Variants in TERT observed in about 807,000 individuals in gnomAD.
TERT encodes the protein telomerase reverse transcriptase, also known as telomerase catalytic subunit.
Under a neutral mutation model 104.0 loss-of-function variants are expected in TERT, and 42 were observed. That is an observed-to-expected ratio of 0.40 (90% CI 0.32 to 0.52). The LOEUF is 0.52. TERT is among the 20% of genes least tolerant of loss of function. The pLI, the probability that TERT is intolerant of heterozygous loss-of-function variation, is 0.43. For missense variants in TERT, 1,101 were observed against 1,610.3 expected (o/e 0.68, Z 5.41); for synonymous variants, 781 against 725.6 (o/e 1.08, Z -1.23).
At chr5:1,280,064 G>T (rs1749911366) in intron 4 of TERT, 94 bp downstream of exon 4, 6 of 1,510,972 alleles carry the variant, frequency 4.0e-6, no homozygotes, top group South Asian at 1.1e-5. Flanking sequence ...GTGTCCCGTG[G>T]CCCCTCCTCC....
At position 1,282,491 on chromosome 5, in the gene TERT, T is replaced by C. The variant is rs2126649532; in HGVS notation, c.1707A>G (p.Gln569=). ...TCCGGTAGAAAAAGAGCCTGTTCTT[T>C]TGAAACGTGGTCTCCGTGACATAAA... is the stretch of plus-strand genomic sequence containing the variant. ...SFFYVTETTF[Q]KNRLFFYRKS... Residue 569 remains glutamine (Q), a synonymous_variant, in exon 3 of 16, where the codon CAA becomes CAG. Transcript: ENST00000310581. 1.2e-6 allele frequency: 2 copies of C among 1,614,192 alleles called. No homozygotes were observed. Among genetic ancestry groups the C allele is most frequent in the East Asian group, 2.2e-5 (1 of 44,886 alleles).
intron 2 of TERT, chr5:1,282,932 G>A: frequency 4.5e-6 from 2 of 449,360 alleles, no homozygotes; most frequent in South Asian, 2.0e-5. Context: ...ACTCACCCCG[G>A]ACCTGCACCA....
intron 2 of TERT, 147 bp downstream of exon 2, chr5:1,293,166 G>A (rs1751098562): frequency 3.5e-6 from 3 of 848,312 alleles, no homozygotes; most frequent in East Asian, 2.6e-5. Context: ...AGAGATCACC[G>A]TGTCCACTCG....
rs965672968 is a variant in TERT, at chr5:1,263,031, G to C, written c.2843+1373C>G. On this transcript the variant is annotated intron_variant, in intron 11 of 15. Transcript: ENST00000310581. The surrounding 1 kb of genome is among the most constrained non-coding windows in gnomAD (Gnocchi z 5.3). ...CAGGAGACCGGCATCCTTGTGGGGA[G>C]GGAGCTGCAACAGGGACATGCTGGG... Among the ~76,000 whole-genome samples the C allele has an allele frequency of 6.6e-6, 1 of 152,194 alleles. No individual in the cohort carries two copies. The highest frequency in any genetic ancestry group is 1.5e-5 in the Non-Finnish European group (1 of 68,044).
chr5:1,282,930 C>T (rs1398303383), intron 2 of TERT: 26 of 460,294 alleles, frequency 5.6e-5, no homozygotes, highest in Admixed American at 2.7e-4. Flanking sequence ...GAACTCACCC[C>T]GGACCTGCAC....
intron 12 of TERT, among the ~76,000 whole-genome samples, chr5:1,259,521 A>G (rs1319180638): frequency 9.0e-6 from 1 of 111,310 alleles, no homozygotes; most frequent in Non-Finnish European, 1.8e-5. Flanking sequence ...ACGGACGCCC[A>G]CAGGAGAGAG....
rs994804257 is a variant in TERT, at chr5:1,293,742, G to C, written c.1144C>G (p.Leu382Val). The change falls in exon 2 of 16, where the codon CTG (leucine) becomes GTG (valine). Residue 382 changes from leucine (L) to valine (V), a missense_variant. Leu to Val is a conservative substitution (Grantham distance 32, BLOSUM62 1). Transcript: ENST00000310581. Reference sequence around the variant, plus strand: ...CGCATTTGCCAGTAGCGCTGGGGCAGGCGGGGCAACCTGCGGGGAGTCCCT... The same window carrying C: ...CGCATTTGCCAGTAGCGCTGGGGCACGCGGGGCAACCTGCGGGGAGTCCCT... ...MPGTPRRLPR[L>V]PQRYWQMRPL... is the part of the protein sequence containing the mutation. The C allele has an allele frequency of 3.8e-6, 6 of 1,565,522 alleles. No individual in the cohort carries two copies. Among genetic ancestry groups the C allele is most frequent in the Non-Finnish European group, 5.2e-6 (6 of 1,155,444 alleles).
intron 12 of TERT, among the ~76,000 whole-genome samples, chr5:1,258,921 T>C (rs891481715): frequency 6.6e-6 from 1 of 151,006 alleles, no homozygotes; most frequent in Admixed American, 6.6e-5. Flanking sequence ...TGGACGCAAA[T>C]GCCCACAGAG....
chr5:1,278,534 G>C, intron 6 of TERT, 107 bp downstream of exon 6: 5 of 1,488,260 alleles, frequency 3.4e-6, no homozygotes, highest in Non-Finnish European at 4.7e-6. Context: ...TGTAAATCAT[G>C]GAAGTACCTC....
intron 7 of TERT, 122 bp downstream of exon 7, chr5:1,272,063 C>G: frequency 2.3e-6 from 2 of 870,980 alleles, no homozygotes; most frequent in South Asian, 1.4e-5. Context: ...GCCCCCATCA[C>G]AGCTCATTCC....
At chr5:1,276,871 C>A (rs1749634649) in intron 6 of TERT, among the ~76,000 whole-genome samples, 1 of 152,266 alleles carries the variant, frequency 6.6e-6, no homozygotes, top group Non-Finnish European at 1.5e-5. Context: ...TGTTAGTGGA[C>A]TGCGATAGAA....
At chr5:1,285,968 G>A (rs182916577) in intron 2 of TERT, among the ~76,000 whole-genome samples, 2 of 152,108 alleles carry the variant, frequency 1.3e-5, no homozygotes, top group Admixed American at 6.5e-5. Context: ...CAGAAGGGAG[G>A]AAGCAGACAC....
In TERT at chr5:1,280,027, G is replaced by A. The variant is rs1014545851; in HGVS notation, c.1950+131C>T. 274 of 1,226,264 alleles carry A rather than the reference G, an allele frequency of 2.2e-4. 2 individuals carry two copies. The highest frequency in any genetic ancestry group is 1.9e-3 in the Middle Eastern group (8 of 4,194). 76.0% of individuals were successfully genotyped at this position (1,226,264 alleles called of 1,614,324 possible). A position where few individuals can be genotyped will look rare whatever the true frequency, so the allele number is the denominator to read the frequency against. Reference sequence around the variant, plus strand: ...GGCCACCTCACTGTGCGCACAAATGGGTTGGCGCCGTGCCATGGCCCTGGC... The same window carrying A: ...GGCCACCTCACTGTGCGCACAAATGAGTTGGCGCCGTGCCATGGCCCTGGC... On this transcript the variant is annotated intron_variant, in intron 4 of 15. Transcript: ENST00000310581.
intron 2 of TERT, among the ~76,000 whole-genome samples, chr5:1,284,872 C>T (rs188405638): frequency 3.1e-5 from 4 of 130,502 alleles, no homozygotes; most frequent in Non-Finnish European, 6.5e-5. Context: ...GGTCTGGCAC[C>T]GTCTGGCGAC....
In TERT at chr5:1,260,456, G is replaced by A; in HGVS notation, c.2970+18C>T. On this transcript the variant is annotated intron_variant, in intron 12 of 15. Coordinates refer to ENST00000310581, the MANE Select transcript of TERT (RefSeq NM_198253.3). ...CCTCCTGAACTCTGAACTCTGTGCT[G>A]ACCATCAGCCTGCTCACCTGCAAAT... The A allele has an allele frequency of 6.2e-7, 1 of 1,613,614 alleles. No homozygotes were observed. Among genetic ancestry groups the A allele is most frequent in the Non-Finnish European group, 8.5e-7 (1 of 1,179,894 alleles).
chr5:1,255,243 G>A lies in TERT; in HGVS notation c.3157+44C>T, dbSNP rs751641934. ...TCAGTCTCCTGACACACTAACACCA[G>A]CAGGCAGGCACTGCTGCCACTGAGG... is the stretch of plus-strand genomic sequence containing the variant. On this transcript the variant is annotated intron_variant, in intron 14 of 15. Transcript: ENST00000310581. This position sits in a 1 kb window ranked among gnomAD's most constrained non-coding sequence, Gnocchi z 6.9. 3.1e-6 allele frequency: 5 copies of A among 1,607,816 alleles called. No individual in the cohort carries two copies. The South Asian group carries it at 5.5e-5, about 18-fold the overall frequency.
In TERT at chr5:1,265,551, C is replaced by A. The variant is rs955904931; in HGVS notation, c.2654+913G>T. Among the ~76,000 whole-genome samples the A allele has an allele frequency of 4.5e-4, 69 of 152,202 alleles. No individual in the cohort carries two copies. The highest frequency in any genetic ancestry group is 1.4e-3 in the African/African-American group (57 of 41,512). On this transcript the variant is annotated intron_variant, in intron 10 of 15. Coordinates refer to ENST00000310581, the MANE Select transcript of TERT (RefSeq NM_198253.3). This position sits in a 1 kb window ranked among gnomAD's most constrained non-coding sequence, Gnocchi z 6.9. ...CAGTTGCTTGGGACCTGGGCTCCCC[C>A]CGAGTGAATCTTAGTGGATTTAAAT...
In TERT at chr5:1,287,856, A is replaced by G. The variant is rs1351052606; in HGVS notation, c.1574-5232T>C. Among the ~76,000 whole-genome samples the G allele has an allele frequency of 1.3e-5, 2 of 151,882 alleles. No individual in the cohort carries two copies. The highest frequency in any genetic ancestry group is 4.8e-5 in the African/African-American group (2 of 41,310). ...CTGGATATAGTGAACATGCATGCCC[A>G]CTATTGACAGGATGTCAAATTTACA... On this transcript the variant is annotated intron_variant, in intron 2 of 15. Coordinates refer to ENST00000310581, the MANE Select transcript of TERT (RefSeq NM_198253.3). This position sits in a 1 kb window ranked among gnomAD's most constrained non-coding sequence, Gnocchi z 4.3.
At chr5:1,283,346 G>T (rs1240134035) in intron 2 of TERT, among the ~76,000 whole-genome samples, 11 of 122,758 alleles carry the variant, frequency 9.0e-5, no homozygotes, top group Admixed American at 1.7e-4. Context: ...AGGGCCTGGC[G>T]ACCTCACCCC....
Sources: allele counts gnomAD v4.1 joint callset (sites outside exome capture counted in the v4.1 genomes callset), GRCh38; gene constraint gnomAD v4.1.1; non-coding constraint Gnocchi (gnomAD v3.1); transcripts MANE v1.5; gene names NCBI Gene and HGNC (gene_info 2026-07-23, HGNC 2026-07-21).